PNLIPRP3: variants seen among roughly 807,000 people sequenced by gnomAD.
PNLIPRP3 encodes the protein pancreatic lipase-related protein 3.
Under a neutral mutation model 52.8 loss-of-function variants are expected in PNLIPRP3, and 58 were observed. That is an observed-to-expected ratio of 1.10 (90% CI 0.89 to 1.37). The LOEUF (loss-of-function observed/expected upper bound fraction) is 1.37, where lower values mean the gene tolerates loss of function less well. PNLIPRP3 is among the 40% of genes most tolerant of loss of function. PNLIPRP3 has a pLI of 0.00. For missense variants in PNLIPRP3, 593 were observed against 561.6 expected (o/e 1.06, Z -0.57); for synonymous variants, 192 against 185.0 (o/e 1.04, Z -0.31).
chr10:116,472,400 TTTTA>T (rs1478748257), intron 10 of PNLIPRP3, among the ~76,000 whole-genome samples: 17 of 152,336 alleles, frequency 1.1e-4, no homozygotes, highest in African/African-American at 4.1e-4. Context: ...TTTCTTAATC[TTTTA>T]TTTGTTCAGC....
chr10:116,461,220 G>A lies in PNLIPRP3; in HGVS notation c.738G>A (p.Gly246=), dbSNP rs1366593237. The A allele has an allele frequency of 2.5e-6, 4 of 1,613,824 alleles. No homozygotes were observed. The African/African-American group carries it at 4.0e-5, about 16-fold the overall frequency. The change falls in exon 7 of 12, where the codon GGG becomes GGA. Residue 246 remains glycine (G), a synonymous_variant. Coordinates refer to ENST00000369230, the MANE Select transcript of PNLIPRP3 (RefSeq NM_001011709.3). ...ATCTTGACTTTTACCCAAATGGAGG[G>A]AAGCACATGCCAGGATGTGAAGACT... The part of the protein sequence containing the change: ...CGHLDFYPNG[G]KHMPGCEDLI...
intron 8 of PNLIPRP3, among the ~76,000 whole-genome samples, chr10:116,467,807 T>G (rs1846303890): frequency 2.0e-5 from 3 of 152,098 alleles, no homozygotes; most frequent in African/African-American, 7.2e-5. Context: ...AATGTGAGTT[T>G]TTATTGTTTC....
chr10:116,433,935 G>A (rs1283458481), intron 1 of PNLIPRP3, among the ~76,000 whole-genome samples: 2 of 152,174 alleles, frequency 1.3e-5, no homozygotes, highest in African/African-American at 4.8e-5. Flanking sequence ...CAAAAGCTAG[G>A]CTATATCTCC....
At chr10:116,436,641 T>C in intron 1 of PNLIPRP3, 70 bp from the exon 2 acceptor site, 2 of 1,405,990 alleles carry the variant, frequency 1.4e-6, no homozygotes, top group South Asian at 3.3e-5. Context: ...CTACTTTAAC[T>C]CATAGTGAGA....
chr10:116,464,917 C>A (rs770599290), intron 7 of PNLIPRP3, among the ~76,000 whole-genome samples: 1 of 152,206 alleles, frequency 6.6e-6, no homozygotes, highest in Admixed American at 6.5e-5. Flanking sequence ...CTTCCTGATG[C>A]GTGGGGTGGG....
At chr10:116,448,521 A>G (rs1223282900) in intron 4 of PNLIPRP3, among the ~76,000 whole-genome samples, 1 of 152,010 alleles carries the variant, frequency 6.6e-6, no homozygotes, top group Non-Finnish European at 1.5e-5. Context: ...CCAAAGAACT[A>G]TAAGACAGAA....
intron 10 of PNLIPRP3, among the ~76,000 whole-genome samples, chr10:116,475,379 C>T (rs192471708): frequency 1.5e-3 from 227 of 152,222 alleles, no homozygotes; most frequent in African/African-American, 5.1e-3. Context: ...ACAACAGACA[C>T]ATGTTTACCT....
chr10:116,471,918 G>T (rs1270290562), intron 10 of PNLIPRP3, 39 bp downstream of exon 10: 2 of 1,326,740 alleles, frequency 1.5e-6, no homozygotes, highest in Non-Finnish European at 2.1e-6. Flanking sequence ...CACAGTGCTG[G>T]GGGCTCAGTA....
In PNLIPRP3 at chr10:116,444,609, A is replaced by G; in HGVS notation, c.456+96A>G. On this transcript the variant is annotated intron_variant, in intron 4 of 11. Transcript: ENST00000369230. ...ATTTAATGTCTTTTTTTATTAGCTT[A>G]GACAGGTACTGAACATGTGAAATAA... 3 of 1,226,318 alleles carry G rather than the reference A, an allele frequency of 2.4e-6. No individual in the cohort carries two copies. The Middle Eastern group carries it at 7.0e-4, about 288-fold the overall frequency. The allele number at this position is 1,226,318 out of a possible 1,614,324, so 76.0% of individuals were successfully genotyped here. A position where few individuals can be genotyped will look rare whatever the true frequency, so the allele number is the denominator to read the frequency against.
chr10:116,457,319 T>C (rs2133138653), intron 5 of PNLIPRP3, among the ~76,000 whole-genome samples: 1 of 152,310 alleles, frequency 6.6e-6, no homozygotes, highest in South Asian at 2.1e-4. Flanking sequence ...ATTTTCTCTT[T>C]GTTAAACTGC....
At chr10:116,436,901 C>T in intron 2 of PNLIPRP3, 36 bp downstream of exon 2, 1 of 1,528,726 alleles carries the variant, frequency 6.5e-7, no homozygotes, top group Non-Finnish European at 8.9e-7. Flanking sequence ...ATGGATTATT[C>T]TAAAATATAA....
At chr10:116,453,880 T>C (rs932928717) in intron 4 of PNLIPRP3, among the ~76,000 whole-genome samples, 1 of 152,128 alleles carries the variant, frequency 6.6e-6, no homozygotes, top group East Asian at 1.9e-4. Context: ...CAACCCATCA[T>C]CTAGGTTTTA....
chr10:116,437,390 T>C (rs1484660175), intron 2 of PNLIPRP3, among the ~76,000 whole-genome samples: 1 of 152,122 alleles, frequency 6.6e-6, no homozygotes, highest in Non-Finnish European at 1.5e-5. Context: ...AGGTGTATCC[T>C]GCAGGATGGG....
At chr10:116,441,054 G>C (rs867230708) in intron 2 of PNLIPRP3, among the ~76,000 whole-genome samples, 1 of 152,072 alleles carries the variant, frequency 6.6e-6, no homozygotes, top group South Asian at 2.1e-4. Context: ...TCATTTCCTC[G>C]TTTCTATCCT....
intron 1 of PNLIPRP3, among the ~76,000 whole-genome samples, chr10:116,428,495 T>TAGTAGATACTCAATAATTGAATGA (rs1156570695): frequency 2.6e-5 from 4 of 152,178 alleles, no homozygotes; most frequent in African/African-American, 9.6e-5. Context: ...AGCTGACTCA[T>TAGTAGATACTCAATAATTGAATGA]AGTAGATACT....
At chr10:116,439,566 G>A (rs1292695740) in intron 2 of PNLIPRP3, 7 of 846,990 alleles carry the variant, frequency 8.3e-6, no homozygotes, top group South Asian at 6.8e-5. Context: ...CTTTACTTTC[G>A]ACTTATAGTC....
intron 1 of PNLIPRP3, among the ~76,000 whole-genome samples, chr10:116,429,354 C>T (rs542387733): frequency 1.7e-4 from 26 of 152,160 alleles, no homozygotes; most frequent in South Asian, 6.2e-4. Flanking sequence ...ACTTCTGGTC[C>T]CAAGCGTTTT....
At chr10:116,463,337 G>A (rs982215864) in intron 7 of PNLIPRP3, among the ~76,000 whole-genome samples, 6 of 152,170 alleles carry the variant, frequency 3.9e-5, no homozygotes, top group African/African-American at 1.4e-4. Flanking sequence ...GCTGAGCTGG[G>A]CTAAGCTGGA....
At chr10:116,440,344 T>C (rs1331761083) in intron 2 of PNLIPRP3, among the ~76,000 whole-genome samples, 1 of 152,154 alleles carries the variant, frequency 6.6e-6, no homozygotes, top group Non-Finnish European at 1.5e-5. Flanking sequence ...AAGAGAAAAT[T>C]GGAAAACTAA....
Sources: gnomAD v4.1 joint callset for allele counts (sites outside exome capture counted in the v4.1 genomes callset) on GRCh38, gnomAD v4.1.1 for gene constraint, MANE v1.5 for transcripts, NCBI Gene and HGNC (gene_info 2026-07-23, HGNC 2026-07-21) for gene names.